The following TRMT9B variants were observed in gnomAD, a reference collection of about 807,000 sequenced individuals.
TRMT9B encodes tRNA methyltransferase 9B (putative).
Under a neutral mutation model 11.5 loss-of-function variants are expected in TRMT9B, and 16 were observed. The ratio of observed to expected loss-of-function variants is 1.39; its 90% confidence interval spans 0.94 to 2.11. The LOEUF is 2.11. Ranked by LOEUF, TRMT9B falls within the 30% of genes most tolerant of loss-of-function variation. The pLI, the probability that TRMT9B is intolerant of heterozygous loss-of-function variation, is 0.00. For synonymous variants in TRMT9B, 274 were observed against 192.4 expected (o/e 1.42, Z -3.51); for missense variants, 941 against 553.8 (o/e 1.70, Z -7.02).
intron 2 of TRMT9B, among the ~76,000 whole-genome samples, chr8:12,992,064 A>G (rs1223546977): frequency 2.0e-5 from 3 of 152,202 alleles, no homozygotes; most frequent in Non-Finnish European, 2.9e-5. Context: ...ATAACCAAAG[A>G]GTCAAGGACC....
In TRMT9B at chr8:13,022,010, G is replaced by T. The variant is rs1304910007; in HGVS notation, c.1331G>T (p.Cys444Phe). The change falls in exon 5 of 5, where the codon TGT becomes TTT. Residue 444 changes from cysteine (C) to phenylalanine (F), a missense_variant. Coordinates refer to ENST00000524591, the MANE Select transcript of TRMT9B (RefSeq NM_020844.3). ...TCTGGGAATGATCATGGTAACTGGT[G>T]TATCATTGCAGAGAAAAAGAGAGGT... ...LSSGNDHGNWCIIAEKKRGCD is the reference protein window; with the variant it reads ...LSSGNDHGNWFIIAEKKRGCD 2.5e-6 allele frequency: 4 copies of T among 1,606,712 alleles called. No homozygotes were observed. Among genetic ancestry groups the T allele is most frequent in the Non-Finnish European group, 3.4e-6 (4 of 1,177,230 alleles).
At chr8:13,014,791 G>A (rs553449030) in intron 4 of TRMT9B, among the ~76,000 whole-genome samples, 25 of 152,232 alleles carry the variant, frequency 1.6e-4, no homozygotes, top group Middle Eastern at 3.4e-3. Context: ...GGCCGGGCGC[G>A]GTGACTCAGG....
intron 1 of TRMT9B, among the ~76,000 whole-genome samples, chr8:12,957,185 G>A (rs938631346): frequency 6.6e-6 from 1 of 152,142 alleles, no homozygotes; most frequent in Non-Finnish European, 1.5e-5. Flanking sequence ...AAGAATATTT[G>A]TTGATATTTT....
In TRMT9B at chr8:13,027,457, T is replaced by C. The variant is rs949300924; in HGVS notation, c.*5413T>C. On this transcript the variant is annotated 3_prime_UTR_variant, in exon 5 of 5. Coordinates refer to ENST00000524591, the MANE Select transcript of TRMT9B (RefSeq NM_020844.3). Reference sequence around the variant, plus strand: ...TATAGCGCACGTGTTCTGTGGGATATATTTCAGAAAATAATATGTCTTACA... The same window carrying C: ...TATAGCGCACGTGTTCTGTGGGATACATTTCAGAAAATAATATGTCTTACA... 8 of 167,104 alleles carry C rather than the reference T, an allele frequency of 4.8e-5. No homozygotes were observed. The highest frequency in any genetic ancestry group is 1.9e-4 in the African/African-American group (8 of 41,458). 10.4% of individuals were successfully genotyped at this position (167,104 alleles called of 1,614,324 possible). A position where few individuals can be genotyped will look rare whatever the true frequency, so the allele number is the denominator to read the frequency against.
At position 12,993,064 on chromosome 8, in the gene TRMT9B, T is replaced by C. The variant is rs188616968; in HGVS notation, c.-2+2033T>C. Among the ~76,000 whole-genome samples, 720 of 152,260 alleles carry C rather than the reference T, an allele frequency of 4.7e-3. 2 individuals are homozygous for C. Among genetic ancestry groups the C allele is most frequent in the African/African-American group, 0.016 (653 of 41,542 alleles). On this transcript the variant is annotated intron_variant, in intron 2 of 4. Coordinates refer to ENST00000524591, the MANE Select transcript of TRMT9B (RefSeq NM_020844.3). ...TTCAGCAAAGACCTGAATAAGGTCC[T>C]GAGCAAGTCCCTCTCGGGAAAAAGT...
chr8:12,985,905 G>GTT (rs1806213713), intron 1 of TRMT9B, among the ~76,000 whole-genome samples: 1 of 151,836 alleles, frequency 6.6e-6, no homozygotes, highest in Non-Finnish European at 1.5e-5. Context: ...CTGTCACCCA[G>GTT]GCTTGAGTGC....
chr8:13,001,904 G>T (rs562934222), intron 2 of TRMT9B, among the ~76,000 whole-genome samples: 1 of 152,216 alleles, frequency 6.6e-6, no homozygotes, highest in South Asian at 2.1e-4. Context: ...CTGGAAACCC[G>T]TGCTCTTGTT....
At chr8:12,992,577 C>T (rs751104787) in intron 2 of TRMT9B, among the ~76,000 whole-genome samples, 3 of 151,940 alleles carry the variant, frequency 2.0e-5, no homozygotes, top group Non-Finnish European at 4.4e-5. Flanking sequence ...ATTGACTGGG[C>T]ACAGTGGCTC....
intron 1 of TRMT9B, among the ~76,000 whole-genome samples, chr8:12,978,322 G>C (rs765640424): frequency 4.6e-5 from 7 of 152,244 alleles, no homozygotes; most frequent in Admixed American, 1.3e-4. Flanking sequence ...TCTCCAGCAA[G>C]CCTTTGTTTC....
At chr8:12,973,133 G>A (rs1170030224) in intron 1 of TRMT9B, among the ~76,000 whole-genome samples, 2 of 152,122 alleles carry the variant, frequency 1.3e-5, no homozygotes, top group Admixed American at 1.3e-4. Context: ...ATGTCTTCCG[G>A]GTTTATCCGT....
At position 13,026,059 on chromosome 8, in the gene TRMT9B, T is replaced by C. The variant is rs1043094532; in HGVS notation, c.*4015T>C. ...GAGGAGAACAGAAGTTCTAACTCAG[T>C]ACTTGAACTTGGTGGGGGAGGGCAC... On this transcript the variant is annotated 3_prime_UTR_variant, in exon 5 of 5. Coordinates refer to ENST00000524591, the MANE Select transcript of TRMT9B (RefSeq NM_020844.3). The C allele has an allele frequency of 5.4e-5, 9 of 167,126 alleles. No homozygotes were observed. Among genetic ancestry groups the C allele is most frequent in the African/African-American group, 2.2e-4 (9 of 41,540 alleles). The allele number at this position is 167,126 out of a possible 1,614,324, so 10.4% of individuals were successfully genotyped here. A position where few individuals can be genotyped will look rare whatever the true frequency, so the allele number is the denominator to read the frequency against.
rs1814084284 is a variant in TRMT9B, at chr8:13,022,256, A to T, written c.*212A>T. On this transcript the variant is annotated 3_prime_UTR_variant, in exon 5 of 5. Coordinates refer to ENST00000524591, the MANE Select transcript of TRMT9B (RefSeq NM_020844.3). ...ACTTGACAAAGGGTATTTGTGCTTA[A>T]ATGTTAATATACAAGATCTGAAGAA... 2.0e-6 allele frequency: 1 copy of T among 488,202 alleles called. No homozygotes were observed. The highest frequency in any genetic ancestry group is 2.0e-5 in the African/African-American group (1 of 50,332). 30.2% of individuals were successfully genotyped at this position (488,202 alleles called of 1,614,324 possible). A position where few individuals can be genotyped will look rare whatever the true frequency, so the allele number is the denominator to read the frequency against.
At chr8:13,016,178 T>TA (rs1176238762) in intron 4 of TRMT9B, among the ~76,000 whole-genome samples, 4,324 of 82,426 alleles carry the variant, frequency 0.052, 140 homozygotes, top group Non-Finnish European at 0.075. Context: ...TAAACATATA[T>TA]AAATATAAAT....
chr8:12,956,578 C>T (rs76415653), intron 1 of TRMT9B, among the ~76,000 whole-genome samples: 8,605 of 152,154 alleles, frequency 0.057, 304 homozygotes, highest in South Asian at 0.1. Context: ...TTCTCAAAGC[C>T]GCAGATAGTC....
intron 2 of TRMT9B, 113 bp from the exon 3 acceptor site, chr8:13,006,089 C>A: frequency 3.1e-6 from 3 of 958,916 alleles, no homozygotes; most frequent in Non-Finnish European, 4.6e-6. Flanking sequence ...AGTGTGCAAA[C>A]AGCATGAGTT....
intron 1 of TRMT9B, among the ~76,000 whole-genome samples, chr8:12,961,545 C>G (rs1350224507): frequency 2.0e-5 from 3 of 150,582 alleles, no homozygotes; most frequent in Admixed American, 6.6e-5. Context: ...ACTAAAAACA[C>G]AAAAAATTAG....
At chr8:12,975,782 C>G (rs1424820472) in intron 1 of TRMT9B, among the ~76,000 whole-genome samples, 1 of 152,002 alleles carries the variant, frequency 6.6e-6, no homozygotes, top group Admixed American at 6.6e-5. Flanking sequence ...ATTGATGCTT[C>G]TAGCTATTTG....
rs770344770 is a variant in TRMT9B at position 13,012,780 on chromosome 8, G to T, written c.251G>T (p.Gly84Val). The T allele has an allele frequency of 1.9e-6, 3 of 1,613,924 alleles. No homozygotes were observed. Among genetic ancestry groups the T allele is most frequent in the Non-Finnish European group, 2.5e-6 (3 of 1,179,892 alleles). ...CTGGTAGAGATTGCCCGGAATAGAG[G>T]ATGTGAAGCCATGGTATGTGACAAC... ...GPLVEIARNR[G>V]CEAMVCDNLN... Residue 84 changes from glycine to valine, a missense_variant, in exon 4 of 5, where the codon GGA (glycine) becomes GTA (valine). Transcript: ENST00000524591.
At chr8:12,952,824 C>G (rs1328746702) in intron 1 of TRMT9B, 3 of 263,412 alleles carry the variant, frequency 1.1e-5, no homozygotes, top group African/African-American at 6.9e-5. Context: ...ACTGCAACCT[C>G]CGCCTCCCGG....
Sources: gnomAD v4.1 joint callset for allele counts (sites outside exome capture counted in the v4.1 genomes callset) on GRCh38, gnomAD v4.1.1 for gene constraint, MANE v1.5 for transcripts, NCBI Gene and HGNC (gene_info 2026-07-23, HGNC 2026-07-21) for gene names.